MTCH2: variants seen among roughly 807,000 people sequenced by gnomAD.
MTCH2 encodes mitochondrial carrier 2, also known as mitochondrial carrier homolog 2.
MTCH2 carries 25 observed loss-of-function variants against 50.6 expected under a neutral mutation model. The ratio of observed to expected loss-of-function variants is 0.49; its 90% CI spans 0.36 to 0.69. The LOEUF is 0.69. Among genes scored for constraint, MTCH2 ranks in the 30% least tolerant of loss-of-function variants. The pLI is 0.00. For missense variants in MTCH2, 273 were observed against 384.4 expected, an observed-to-expected ratio of 0.71 and a Z score of 2.42; for synonymous variants, 106 against 132.0, an observed-to-expected ratio of 0.80 and a Z score of 1.35.
At chr11:47,613,922 A>T (rs2097286891), downstream of MTCH2, among the ~76,000 whole-genome samples, 1 of 152,134 alleles carries the variant, frequency 6.6e-6, no homozygotes. Context: ...CGTCTCTACT[A>T]AAAATACAAA....
downstream of MTCH2, among the ~76,000 whole-genome samples, chr11:47,614,213 A>C (rs1268352873): frequency 2.0e-5 from 3 of 152,334 alleles, no homozygotes; most frequent in East Asian, 3.9e-4. Flanking sequence ...GGAAAAAAAA[A>C]AACCTTGGAA....
intron 11 of MTCH2, among the ~76,000 whole-genome samples, chr11:47,623,270 G>A (rs746451624): frequency 6.6e-6 from 1 of 151,828 alleles, no homozygotes; most frequent in Non-Finnish European, 1.5e-5. Flanking sequence ...TACTTGGGAG[G>A]CTAAGGCATG....
At chr11:47,625,535 T>C in intron 11 of MTCH2, 139 bp downstream of exon 11, 1 of 646,428 alleles carries the variant, frequency 1.5e-6, no homozygotes, top group Middle Eastern at 3.0e-4. Flanking sequence ...TCAATTATAC[T>C]TTTCCTCCCC....
At chr11:47,632,948 C>T (rs1233431659) in intron 5 of MTCH2, among the ~76,000 whole-genome samples, 1 of 151,928 alleles carries the variant, frequency 6.6e-6, no homozygotes, top group Non-Finnish European at 1.5e-5. Flanking sequence ...GATCTGCCCG[C>T]CTCAGCCTCC....
chr11:47,620,911 C>T (rs556110085), intron 12 of MTCH2, among the ~76,000 whole-genome samples: 1 of 152,210 alleles, frequency 6.6e-6, no homozygotes, highest in Non-Finnish European at 1.5e-5. Context: ...ATCTGGTATA[C>T]AGTAAATGCC....
At position 47,618,608 on chromosome 11, in the gene MTCH2, T is replaced by C. The variant is rs1006559874; in HGVS notation, c.*225A>G. ...CCTTCTGGTTAAGTAAAATAAGAAT[T>C]TGGAGCAAAAATATCCTAATTCAGA... On this transcript the variant is annotated 3_prime_UTR_variant, in exon 13 of 13. Transcript: ENST00000302503. The C allele has an allele frequency of 2.4e-5, 12 of 505,762 alleles. No individual in the cohort carries two copies. The highest frequency in any genetic ancestry group is 1.2e-4 in the African/African-American group (6 of 50,444). 31.3% of individuals were successfully genotyped at this position (505,762 alleles called of 1,614,324 possible). A position where few individuals can be genotyped will look rare whatever the true frequency, so the allele number is the denominator to read the frequency against.
rs142529541 is a variant in MTCH2 at position 47,629,557 on chromosome 11, G to A, written c.540-511C>T. Among the ~76,000 whole-genome samples the A allele has an allele frequency of 3.0e-4, 45 of 152,208 alleles. No individual in the cohort carries two copies. The East Asian group carries it at 6.6e-3, about 22-fold the overall frequency. On this transcript the variant is annotated intron_variant, in intron 8 of 12. Transcript: ENST00000302503. ...GAGGCAGCATGGAATAGTGGGAAGA[G>A]CATTTCCCCACGGATTGAAGACCAG...
intron 1 of MTCH2, among the ~76,000 whole-genome samples, chr11:47,639,307 T>C (rs1167228646): frequency 6.6e-6 from 1 of 152,184 alleles, no homozygotes; most frequent in East Asian, 1.9e-4. Context: ...TAGGCTAATA[T>C]CAAACTGAAA....
At chr11:47,607,294 G>A in the MTCH2 span, among the ~76,000 whole-genome samples, 3 of 152,188 alleles carry the variant, frequency 2.0e-5, no homozygotes, top group South Asian at 2.1e-4. Context: ...GGAGTCTCAC[G>A]TGTCACATGT....
chr11:47,625,586 A>G (rs1412746481), intron 11 of MTCH2, 88 bp downstream of exon 11: 11 of 857,354 alleles, frequency 1.3e-5, no homozygotes, highest in South Asian at 8.0e-5. Context: ...GATACTGATC[A>G]TTCATCTTTC....
downstream of MTCH2, among the ~76,000 whole-genome samples, chr11:47,615,073 G>A (rs1195525155): frequency 9.7e-6 from 1 of 103,484 alleles, no homozygotes; most frequent in African/African-American, 3.9e-5. Context: ...GCTCTCAGTT[G>A]ACACCTAGGC....
intron 7 of MTCH2, 80 bp from the exon 8 acceptor site, chr11:47,630,694 G>T: frequency 1.5e-6 from 2 of 1,331,172 alleles, no homozygotes; most frequent in East Asian, 2.4e-5. Flanking sequence ...TTATCACATT[G>T]GACAAGGTCA....
At chr11:47,637,722 A>G (rs2097310024) in intron 3 of MTCH2, among the ~76,000 whole-genome samples, 1 of 152,208 alleles carries the variant, frequency 6.6e-6, no homozygotes, top group Admixed American at 6.6e-5. Context: ...GATTTCAAAA[A>G]TAGACAACAT....
intron 11 of MTCH2, among the ~76,000 whole-genome samples, chr11:47,625,372 G>C (rs917251157): frequency 1.3e-5 from 2 of 149,116 alleles, no homozygotes; most frequent in Non-Finnish European, 3.0e-5. Context: ...GCAGTGAGCC[G>C]AGATCATGCT....
chr11:47,609,283 C>T, the MTCH2 span, among the ~76,000 whole-genome samples: 4 of 151,156 alleles, frequency 2.6e-5, no homozygotes, highest in Admixed American at 2.0e-4. Flanking sequence ...GGCAAAACCC[C>T]GTCTCTACTA....
At position 47,638,981 on chromosome 11, in the gene MTCH2, C is replaced by G. The variant is rs765907399; in HGVS notation, c.158G>C (p.Gly53Ala). The G allele has an allele frequency of 6.2e-7, 1 of 1,613,334 alleles. No individual in the cohort carries two copies. Among genetic ancestry groups the G allele is most frequent in the Non-Finnish European group, 8.5e-7 (1 of 1,179,562 alleles). The change falls in exon 2 of 13, where the codon GGT becomes GCT. Residue 53 changes from glycine (G) to alanine (A), a missense_variant. Physicochemically the swap from Gly to Ala is moderately conservative, Grantham distance 60. Around this residue, in one of 2 missense-constraint regions of MTCH2, gnomAD observed 203 missense variants for 244.3 expected, o/e 0.83. Coordinates refer to ENST00000302503, the MANE Select transcript of MTCH2 (RefSeq NM_014342.4). ...AAGGCACTTACCATAACTAAAGAGA[C>G]CAGGAAGCTGACACACTTGCCGCCC... ...IFGRQVCQLP[G>A]LFSYAQHIAS...
chr11:47,633,986 T>C (rs534869627), intron 5 of MTCH2, among the ~76,000 whole-genome samples: 67 of 152,138 alleles, frequency 4.4e-4, no homozygotes, highest in Admixed American at 2.4e-3. Context: ...GGGTGGGAAA[T>C]GGGTGATGAG....
intron 8 of MTCH2, 46 bp downstream of exon 8, chr11:47,630,509 G>A (rs1171261046): frequency 3.4e-6 from 5 of 1,486,224 alleles, no homozygotes; most frequent in East Asian, 2.3e-5. Flanking sequence ...TTCAGAAAAC[G>A]TTTCCCACTC....
At chr11:47,615,918 C>T (rs1366505397), downstream of MTCH2, among the ~76,000 whole-genome samples, 2 of 152,068 alleles carry the variant, frequency 1.3e-5, no homozygotes, top group African/African-American at 4.8e-5. Context: ...CTTTTTTACC[C>T]TAGTATTTTT....
Sources: allele counts gnomAD v4.1 joint callset (sites outside exome capture counted in the v4.1 genomes callset), GRCh38; gene constraint gnomAD v4.1.1; regional missense constraint gnomAD v4.1.1; transcripts MANE v1.5; gene names NCBI Gene and HGNC (gene_info 2026-07-23, HGNC 2026-07-21).